Variants in UTP20 observed in about 807,000 individuals in gnomAD.
The protein encoded by UTP20 is small subunit processome component 20 homolog.
In UTP20, 164 loss-of-function variants were observed where a neutral mutation model predicts 329.5. The observed-to-expected ratio is 0.50, with a 90% CI of 0.44 to 0.57. The LOEUF (loss-of-function observed/expected upper bound fraction) is 0.57, where lower values mean the gene tolerates loss of function less well. Ranked by LOEUF, UTP20 falls within the 20% of genes least tolerant of loss-of-function variation. UTP20 has a pLI of 0.00. For missense variants in UTP20, 3,055 were observed against 3,284.2 expected, an observed-to-expected ratio of 0.93 and a Z score of 1.71; for synonymous variants, 1,151 against 1,159.3, an observed-to-expected ratio of 0.99 and a Z score of 0.14.
chr12:101,304,190 C>T (rs1464368332), intron 15 of UTP20, among the ~76,000 whole-genome samples: 1 of 152,156 alleles, frequency 6.6e-6, no homozygotes, highest in Non-Finnish European at 1.5e-5. Flanking sequence ...GGATTCTGTT[C>T]TCTTTGCTAT....
chr12:101,289,093 T>C lies in UTP20; in HGVS notation c.597+52T>C, dbSNP rs373806953. The C allele has an allele frequency of 2.8e-4, 432 of 1,520,032 alleles. No homozygotes were observed. The African/African-American group carries it at 5.3e-3, about 19-fold the overall frequency. The allele number at this position is 1,520,032 out of a possible 1,614,324, so 94.2% of individuals were successfully genotyped here. A position where few individuals can be genotyped will look rare whatever the true frequency, so the allele number is the denominator to read the frequency against. On this transcript the variant is annotated intron_variant, in intron 6 of 61. Coordinates refer to ENST00000261637, the MANE Select transcript of UTP20 (RefSeq NM_014503.3). ...TGCTAATCATCAAGAATCTGATGAA[T>C]AGGCCAGGCGTGGTGGCTCATGCCT...
At chr12:101,363,234 G>A (rs942562526) in intron 44 of UTP20, among the ~76,000 whole-genome samples, 7 of 152,188 alleles carry the variant, frequency 4.6e-5, no homozygotes, top group Admixed American at 3.9e-4. Flanking sequence ...AATATTCTGA[G>A]AACTTCTTGA....
At chr12:101,380,171 A>T (rs1263292234) in intron 57 of UTP20, among the ~76,000 whole-genome samples, 1 of 152,148 alleles carries the variant, frequency 6.6e-6, no homozygotes, top group Non-Finnish European at 1.5e-5. Context: ...TGAGCTCAGG[A>T]GTTCGAGACT....
At chr12:101,297,242 G>T (rs1451221325) in intron 12 of UTP20, among the ~76,000 whole-genome samples, 4 of 152,006 alleles carry the variant, frequency 2.6e-5, no homozygotes, top group Non-Finnish European at 5.9e-5. Context: ...TTAAGAGCAG[G>T]TCTTGCTCTG....
rs373946150 is a variant in UTP20 at position 101,366,622 on chromosome 12, A to T, written c.6190A>T (p.Thr2064Ser). 6.2e-7 allele frequency: 1 copy of T among 1,613,858 alleles called. No homozygotes were observed. Among genetic ancestry groups the T allele is most frequent in the Non-Finnish European group, 8.5e-7 (1 of 1,179,972 alleles). Residue 2064 changes from threonine to serine, a missense_variant, in exon 47 of 62, where the codon ACT becomes TCT. Thr to Ser is a moderately conservative substitution (Grantham distance 58, BLOSUM62 1). This residue lies in a region of UTP20 where 2,445 missense variants were observed against 2,575.5 expected (regional missense o/e 0.95). Transcript: ENST00000261637. The stretch of plus-strand genomic sequence containing the variant: ...CCAGAGCTGCCTTCTGCTTCCCCCA[A>T]CTCCAGTTCGAGGTGGACAGAAAGC... ...PPQSCLLLPP[T>S]PVRGGQKAVV...
At chr12:101,335,042 T>A (rs1249470065) in intron 29 of UTP20, among the ~76,000 whole-genome samples, 1 of 151,950 alleles carries the variant, frequency 6.6e-6, no homozygotes, top group African/African-American at 2.4e-5. Flanking sequence ...AGTTTGTGTC[T>A]ATGTGTATAA....
At chr12:101,333,824 C>T (rs911234798) in intron 28 of UTP20, among the ~76,000 whole-genome samples, 1 of 152,170 alleles carries the variant, frequency 6.6e-6, no homozygotes, top group Non-Finnish European at 1.5e-5. Context: ...CCACAATGTC[C>T]AGCTAATTTT....
At position 101,355,114 on chromosome 12, in the gene UTP20, C is replaced by G. The variant is rs966475727; in HGVS notation, c.5390C>G (p.Ser1797Cys). The G allele has an allele frequency of 6.2e-7, 1 of 1,611,826 alleles. No homozygotes were observed. The highest frequency in any genetic ancestry group is 1.3e-5 in the African/African-American group (1 of 74,750). Reference protein sequence around the residue: ...ILPRLHKCLASTTKREEEHKL... With the variant: ...ILPRLHKCLACTTKREEEHKL... Reference sequence around the variant, plus strand: ...CCCAGGCTACATAAATGCCTTGCATCTACGGTAATAAATTTATTCGGGGTC... The same window carrying G: ...CCCAGGCTACATAAATGCCTTGCATGTACGGTAATAAATTTATTCGGGGTC... Residue 1797 changes from serine to cysteine, a missense_variant, in exon 41 of 62, where the codon TCT becomes TGT. Ser to Cys is a moderately radical substitution (Grantham distance 112). Around this residue, in one of 3 missense-constraint regions of UTP20, gnomAD observed 2,445 missense variants for 2,575.5 expected, o/e 0.95. Transcript: ENST00000261637.
In UTP20 at chr12:101,291,762, C is replaced by G. The variant is rs75817013; in HGVS notation, c.912C>G (p.His304Gln). 2 of 1,599,204 alleles carry G rather than the reference C, an allele frequency of 1.3e-6. No homozygotes were observed. Among genetic ancestry groups the G allele is most frequent in the Admixed American group, 1.7e-5 (1 of 57,746 alleles). The change falls in exon 9 of 62, where the codon CAC becomes CAG. Residue 304 changes from histidine to glutamine, a missense_variant. His to Gln is a conservative substitution (Grantham distance 24). This residue lies in a region of UTP20 where 2,445 missense variants were observed against 2,575.5 expected (regional missense o/e 0.95). Transcript: ENST00000261637. The stretch of plus-strand genomic sequence containing the variant: ...TGCAGGAATCGCTCTTGGATCTACA[C>G]ACAAAAGTAACAAAAACTAACTGTT... ...ECLQESLLDL[H>Q]TKVTKTNCCE...
At chr12:101,294,697 C>A (rs181549473) in intron 11 of UTP20, among the ~76,000 whole-genome samples, 70 of 152,158 alleles carry the variant, frequency 4.6e-4, no homozygotes, top group African/African-American at 1.7e-3. Flanking sequence ...CATGTGCCCC[C>A]ACGCCTGGCT....
In UTP20 at chr12:101,371,146, C is replaced by G. The variant is rs774397930; in HGVS notation, c.6776C>G (p.Pro2259Arg). 1 of 1,613,898 alleles carries G rather than the reference C, an allele frequency of 6.2e-7. No individual in the cohort carries two copies. The highest frequency in any genetic ancestry group is 1.7e-5 in the Admixed American group (1 of 59,984). Reference protein sequence around the residue: ...SKLAVSAQSEPARVQCRQVFL... With the variant: ...SKLAVSAQSERARVQCRQVFL... ...TTGGCAGTCTCTGCACAAAGCGAAC[C>G]TGCCAGGGTCCAGTGTAGACAGGTT... Residue 2259 changes from proline to arginine, a missense_variant, in exon 51 of 62, where the codon CCT becomes CGT. Physicochemically the swap from Pro to Arg is moderately radical, Grantham distance 103. Transcript: ENST00000261637.
rs181312491 is a variant in UTP20, at chr12:101,298,152, A to G, written c.1431-1530A>G. ...GAGATAAACTTACTGTCGTTTGACAACTACTTACGGTATCAGGCACTGGAT... is the reference window on the plus strand; with the variant it reads ...GAGATAAACTTACTGTCGTTTGACAGCTACTTACGGTATCAGGCACTGGAT... On this transcript the variant is annotated intron_variant, in intron 12 of 61. Transcript: ENST00000261637. Among the ~76,000 whole-genome samples, 63 of 152,348 alleles carry G rather than the reference A, an allele frequency of 4.1e-4. 1 individual carries two copies. The highest frequency in any genetic ancestry group is 3.1e-3 in the East Asian group (16 of 5,184).
At chr12:101,282,844 T>C (rs1365199208) in intron 2 of UTP20, among the ~76,000 whole-genome samples, 1 of 152,134 alleles carries the variant, frequency 6.6e-6, no homozygotes, top group East Asian at 1.9e-4. Flanking sequence ...GCAATCAAGA[T>C]AGAGAGAAGA....
intron 11 of UTP20, among the ~76,000 whole-genome samples, chr12:101,293,557 C>G (rs1198848771): frequency 2.6e-5 from 4 of 152,136 alleles, no homozygotes; most frequent in Non-Finnish European, 4.4e-5. Flanking sequence ...AAATTGATTT[C>G]ATTGCTCCAA....
At chr12:101,329,202 G>T (rs201260434) in intron 26 of UTP20, 39 bp from the exon 27 acceptor site, 177 of 1,536,930 alleles carry the variant, frequency 1.2e-4, no homozygotes, top group Non-Finnish European at 9.0e-7. Flanking sequence ...AAACTAATAT[G>T]TTACCTTACA....
chr12:101,373,028 G>T, intron 52 of UTP20, 65 bp downstream of exon 52: 1 of 1,382,766 alleles, frequency 7.2e-7, no homozygotes, highest in South Asian at 1.2e-5. Context: ...TAACATGGCG[G>T]CTGTCTTAAA....
intron 38 of UTP20, among the ~76,000 whole-genome samples, chr12:101,347,011 C>T (rs780764523): frequency 1.6e-4 from 24 of 152,186 alleles, no homozygotes; most frequent in Admixed American, 2.6e-4. Context: ...GCTTCATTCT[C>T]ACAACAACTC....
In UTP20 at chr12:101,353,074, C is replaced by A. The variant is rs1869591782; in HGVS notation, c.5052C>A (p.Phe1684Leu). 1 of 1,594,252 alleles carries A rather than the reference C, an allele frequency of 6.3e-7. No individual in the cohort carries two copies. Among genetic ancestry groups the A allele is most frequent in the African/African-American group, 1.3e-5 (1 of 74,624 alleles). The change falls in exon 40 of 62, where the codon TTC (phenylalanine) becomes TTA (leucine). Residue 1684 changes from phenylalanine (F) to leucine (L), a missense_variant. Around this residue, in one of 3 missense-constraint regions of UTP20, gnomAD observed 2,445 missense variants for 2,575.5 expected, o/e 0.95. Coordinates refer to ENST00000261637, the MANE Select transcript of UTP20 (RefSeq NM_014503.3). ...VSLLVIVLEA[F>L]HFDHKTLEEQ... is the part of the protein sequence containing the mutation. ...TGCTAGTAATAGTGTTAGAAGCATT[C>A]CACTTTGACCACAAAACTCTTGAAG...
intron 26 of UTP20, among the ~76,000 whole-genome samples, chr12:101,328,746 A>G (rs1395738084): frequency 6.6e-6 from 1 of 151,864 alleles, no homozygotes; most frequent in East Asian, 1.9e-4. Context: ...GTGGGCACCT[A>G]TAATCCCAGC....
Sources: gnomAD v4.1 joint callset for allele counts (sites outside exome capture counted in the v4.1 genomes callset) on GRCh38, gnomAD v4.1.1 for gene constraint, gnomAD v4.1.1 regional missense constraint, MANE v1.5 for transcripts, NCBI Gene and HGNC (gene_info 2026-07-23, HGNC 2026-07-21) for gene names.